Variants in MIA2 observed in about 807,000 individuals in gnomAD.
The protein encoded by MIA2 is MIA SH3 domain ER export factor 2.
In MIA2, 127 loss-of-function variants were observed where a neutral mutation model predicts 167.8. That is an observed-to-expected ratio of 0.76 (90% confidence interval 0.66 to 0.88). The LOEUF is 0.88. Among genes scored for constraint, MIA2 ranks in the 40% least tolerant of loss-of-function variants. The probability of loss-of-function intolerance (pLI) is 0.00; values close to 1 mark genes in which losing one functional copy is unlikely to be tolerated. For synonymous variants in MIA2, 552 were observed against 541.9 expected, an observed-to-expected ratio of 1.02 and a Z score of -0.26; for missense variants, 1,690 against 1,624.7, an observed-to-expected ratio of 1.04 and a Z score of -0.69.
intron 7 of MIA2, 120 bp downstream of exon 7, chr14:39,277,185 G>GTTTCTGT: frequency 1.5e-6 from 2 of 1,326,484 alleles, no homozygotes; most frequent in Admixed American, 2.7e-5. Flanking sequence ...GGATTCAGAG[G>GTTTCTGT]TTTTTGTTTT....
At chr14:39,267,851 C>A (rs548606333) in intron 6 of MIA2, among the ~76,000 whole-genome samples, 2 of 152,164 alleles carry the variant, frequency 1.3e-5, no homozygotes, top group Non-Finnish European at 2.9e-5. Flanking sequence ...AGCAGAGACA[C>A]GTGGTTCCTT....
At chr14:39,310,702 G>A (rs2064096070) in intron 18 of MIA2, among the ~76,000 whole-genome samples, 2 of 152,204 alleles carry the variant, frequency 1.3e-5, no homozygotes, top group South Asian at 4.1e-4. Context: ...AACTGGTAGA[G>A]AGTACTAATG....
chr14:39,306,386 A>C (rs1042642512), intron 17 of MIA2, among the ~76,000 whole-genome samples: 3 of 152,146 alleles, frequency 2.0e-5, no homozygotes, highest in African/African-American at 7.2e-5. Flanking sequence ...TGGAAGGTGA[A>C]GGGGTAGCTT....
intron 1 of MIA2, among the ~76,000 whole-genome samples, chr14:39,235,811 T>C (rs992316801): frequency 6.6e-6 from 1 of 152,060 alleles, no homozygotes; most frequent in Non-Finnish European, 1.5e-5. Flanking sequence ...AAAATTTTTC[T>C]TTCCCTCTTT....
At chr14:39,308,276 A>G (rs1393454277) in intron 17 of MIA2, among the ~76,000 whole-genome samples, 173 bp from the exon 18 acceptor site, 1 of 152,146 alleles carries the variant, frequency 6.6e-6, no homozygotes, top group African/African-American at 2.4e-5. Flanking sequence ...GTGTCAATCA[A>G]CTAATAACAA....
At chr14:39,261,416 T>C (rs2055106936) in intron 6 of MIA2, among the ~76,000 whole-genome samples, 1 of 152,184 alleles carries the variant, frequency 6.6e-6, no homozygotes, top group Admixed American at 6.5e-5. Flanking sequence ...TGGTTCCAAG[T>C]CTTTGCTAAT....
In MIA2 at chr14:39,320,997, CA is replaced by C; in HGVS notation, c.3439del (p.Thr1147LeufsTer44). 6.2e-7 allele frequency: 1 copy of C among 1,613,748 alleles called. No homozygotes were observed. The highest frequency in any genetic ancestry group is 1.7e-5 in the Admixed American group (1 of 59,998). The part of the protein sequence containing the change: ...SSETRAFLSP[P>X]TLLEGPLRLS... ...GAAACAAGAGCTTTTCTCTCTCCTC[CA>C]ACTTTGTTGGAGGGTCCACTCAGAC... On this transcript the variant is annotated frameshift_variant, in exon 24 of 29. Transcript: ENST00000640607. LOFTEE classifies it high-confidence loss of function.
intron 2 of MIA2, among the ~76,000 whole-genome samples, chr14:39,237,463 A>G (rs1413828807): frequency 2.0e-5 from 3 of 152,168 alleles, no homozygotes; most frequent in Non-Finnish European, 4.4e-5. Flanking sequence ...AGAAACGTTA[A>G]GAGTTTCAAA....
downstream of MIA2, among the ~76,000 whole-genome samples, chr14:39,356,232 C>T (rs1042345926): frequency 2.0e-5 from 3 of 152,090 alleles, no homozygotes; most frequent in South Asian, 4.1e-4. Context: ...AGTTTCAGAG[C>T]CTGTTATTGG....
chr14:39,315,955 T>C (rs1276817844), intron 21 of MIA2, among the ~76,000 whole-genome samples: 1 of 152,230 alleles, frequency 6.6e-6, no homozygotes, highest in African/African-American at 2.4e-5. Flanking sequence ...AAGGAGTTTA[T>C]ACTCCATGGG....
At chr14:39,316,637 G>A (rs2152953429) in intron 21 of MIA2, among the ~76,000 whole-genome samples, 1 of 152,272 alleles carries the variant, frequency 6.6e-6, no homozygotes, top group African/African-American at 2.4e-5. Flanking sequence ...GAGATTAGGT[G>A]TGGTGAATGT....
At chr14:39,322,083 A>C (rs1013438490) in intron 24 of MIA2, among the ~76,000 whole-genome samples, 1 of 152,020 alleles carries the variant, frequency 6.6e-6, no homozygotes, top group Non-Finnish European at 1.5e-5. Context: ...TTATATTTTG[A>C]TGAAGCATTA....
intron 23 of MIA2, chr14:39,386,213 C>T: frequency 1.4e-6 from 2 of 1,392,620 alleles, no homozygotes; most frequent in Non-Finnish European, 1.0e-6. Context: ...AGATTTTATA[C>T]CCAGTTTGTC....
intron 21 of MIA2, among the ~76,000 whole-genome samples, 185 bp from the exon 22 acceptor site, chr14:39,317,759 A>G (rs1181345444): frequency 6.6e-6 from 1 of 152,204 alleles, no homozygotes; most frequent in Admixed American, 6.5e-5. Context: ...GAGTGGGTAT[A>G]GAAATTCTGA....
chr14:39,270,271 G>A (rs2056895339), intron 6 of MIA2, among the ~76,000 whole-genome samples: 2 of 147,724 alleles, frequency 1.4e-5, no homozygotes, highest in South Asian at 2.2e-4. Context: ...GCATGATCTC[G>A]GCTCACTGCA....
At chr14:39,255,090 C>T (rs903891084) in intron 6 of MIA2, among the ~76,000 whole-genome samples, 1 of 152,106 alleles carries the variant, frequency 6.6e-6, no homozygotes, top group African/African-American at 2.4e-5. Flanking sequence ...AGGCCTCTTC[C>T]TCACTTAATT....
At chr14:39,364,081 C>T (rs534658637) in intron 23 of MIA2, among the ~76,000 whole-genome samples, 12 of 152,202 alleles carry the variant, frequency 7.9e-5, no homozygotes, top group Admixed American at 2.6e-4. Context: ...TTTCTGGGGC[C>T]GGGCACGGTG....
At position 39,277,720 on chromosome 14, in the gene MIA2, G is replaced by GTA. The variant is rs1179179595; in HGVS notation, c.2019+677_2019+678dup. Among the ~76,000 whole-genome samples, 9 of 1,914 alleles carry GTA rather than the reference G, an allele frequency of 4.7e-3. 2 individuals carry two copies. Among genetic ancestry groups the GTA allele is most frequent in the South Asian group, 0.021 (2 of 96 alleles). The allele number at this position is 1,914 out of a possible 152,430, so 1.3% of individuals were successfully genotyped here. On this transcript the variant is annotated intron_variant, in intron 7 of 28. Coordinates refer to ENST00000640607, the MANE Select transcript of MIA2 (RefSeq NM_001329214.4). The stretch of plus-strand genomic sequence containing the variant: ...TATATATATATATATATATATGTGT[G>GTA]TATATATATATATATATATATATGT...
chr14:39,315,063 ACT>A (rs2065128519), intron 20 of MIA2: 1 of 287,352 alleles, frequency 3.5e-6, no homozygotes, highest in African/African-American at 2.3e-5. Flanking sequence ...TGGGTGGATC[ACT>A]TGAGGTCAGG....
Sources: gnomAD v4.1 joint callset for allele counts (sites outside exome capture counted in the v4.1 genomes callset) on GRCh38, gnomAD v4.1.1 for gene constraint, MANE v1.5 for transcripts, NCBI Gene and HGNC (gene_info 2026-07-23, HGNC 2026-07-21) for gene names.